Variants in MOB3B observed in about 807,000 individuals in gnomAD.
MOB3B encodes MOB kinase activator 3B.
A neutral mutation model predicts 18.7 loss-of-function variants in MOB3B; 7 were observed. The ratio of observed to expected loss-of-function variants is 0.37; its 90% CI spans 0.21 to 0.70. The LOEUF is 0.70. MOB3B is among the 30% of genes least tolerant of loss of function. MOB3B has a pLI of 0.52. For missense variants in MOB3B, 253 were observed against 281.3 expected (o/e 0.90, Z 0.72); for synonymous variants, 111 against 99.9 (o/e 1.11, Z -0.66).
intron 2 of MOB3B, among the ~76,000 whole-genome samples, chr9:27,398,469 A>C (rs539874847): frequency 2.0e-5 from 3 of 152,372 alleles, no homozygotes; most frequent in African/African-American, 7.2e-5. Flanking sequence ...AGAATTGAAG[A>C]TCACAGTAGA....
chr9:27,340,915 G>T (rs1820931376), intron 3 of MOB3B, among the ~76,000 whole-genome samples: 2 of 152,244 alleles, frequency 1.3e-5, no homozygotes, highest in Non-Finnish European at 2.9e-5. Flanking sequence ...CAGCTGGATT[G>T]GTTTCTGGCA....
intron 1 of MOB3B, among the ~76,000 whole-genome samples, chr9:27,474,909 C>T (rs1819529337): frequency 6.6e-6 from 1 of 152,240 alleles, no homozygotes; most frequent in Non-Finnish European, 1.5e-5. Flanking sequence ...TCTAAGGTGG[C>T]TCCTAGTGAT....
Position 27,327,525 on chromosome 9 carries a change from T to C in MOB3B, c.*3062A>G, listed in dbSNP as rs1360940106. ...CCACAAACTTGCCTGAACTCTTTAATAATGTCAGTGTCATGAAAGACACAC... is the reference window on the plus strand; with the variant it reads ...CCACAAACTTGCCTGAACTCTTTAACAATGTCAGTGTCATGAAAGACACAC... On this transcript the variant is annotated 3_prime_UTR_variant, in exon 4 of 4. Transcript: ENST00000262244. 6.6e-6 allele frequency: 1 copy of C among 151,922 alleles called. No individual in the cohort carries two copies. The highest frequency in any genetic ancestry group is 1.5e-5 in the Non-Finnish European group (1 of 67,982). 9.4% of individuals were successfully genotyped at this position (151,922 alleles called of 1,614,324 possible).
intron 1 of MOB3B, among the ~76,000 whole-genome samples, chr9:27,461,048 T>C (rs1819279873): frequency 6.6e-6 from 1 of 152,186 alleles, no homozygotes; most frequent in Non-Finnish European, 1.5e-5. Flanking sequence ...CAACTTTTCT[T>C]TCAAATGAGC....
chr9:27,343,358 G>C (rs201601291), intron 3 of MOB3B, among the ~76,000 whole-genome samples: 1 of 149,928 alleles, frequency 6.7e-6, no homozygotes, highest in Non-Finnish European at 1.5e-5. Context: ...GGGGTCCTCT[G>C]TCTAGGAAAA....
At position 27,449,941 on chromosome 9, in the gene MOB3B, G is replaced by T. The variant is rs577589256; in HGVS notation, c.418+5192C>A. Among the ~76,000 whole-genome samples the T allele has an allele frequency of 8.0e-5, 12 of 149,400 alleles. No homozygotes were observed. In the East Asian group the frequency reaches 1.4e-3, roughly 17 times the overall value. ...TGCAGTGAGCCGAGATCATGCCATT[G>T]CACTCCAGCCTGGGCAACAGAGCGA... is the stretch of plus-strand genomic sequence containing the variant. On this transcript the variant is annotated intron_variant, in intron 2 of 3. Transcript: ENST00000262244.
chr9:27,465,964 A>T (rs535744729), intron 1 of MOB3B, among the ~76,000 whole-genome samples: 18 of 152,248 alleles, frequency 1.2e-4, no homozygotes, highest in African/African-American at 3.6e-4. Context: ...AGCCATGAAG[A>T]TCTCTGACAT....
chr9:27,511,198 A>G (rs1171797615), intron 1 of MOB3B, among the ~76,000 whole-genome samples: 1 of 121,076 alleles, frequency 8.3e-6, no homozygotes, highest in African/African-American at 3.0e-5. Flanking sequence ...CTATTAGGTA[A>G]AACATTTTCA....
At chr9:27,343,529 T>C (rs931920694) in intron 3 of MOB3B, among the ~76,000 whole-genome samples, 2 of 148,512 alleles carry the variant, frequency 1.3e-5, no homozygotes, top group Admixed American at 1.3e-4. Flanking sequence ...TTTCAGAGTA[T>C]GAGAGGAGAC....
intron 1 of MOB3B, among the ~76,000 whole-genome samples, chr9:27,482,314 ATGGTCTGG>A (rs1329012020): frequency 0.019 from 60 of 3,166 alleles, no homozygotes; most frequent in African/African-American, 0.024. Context: ...TAATGTCTGG[ATGGTCTGG>A]ATGTTTGTTC....
At chr9:27,409,357 A>G (rs1822031130) in intron 2 of MOB3B, among the ~76,000 whole-genome samples, 1 of 152,226 alleles carries the variant, frequency 6.6e-6, no homozygotes, top group African/African-American at 2.4e-5. Flanking sequence ...TTTTCTTTAA[A>G]ATGTTTGATC....
intron 2 of MOB3B, among the ~76,000 whole-genome samples, chr9:27,423,219 A>G (rs934272772): frequency 1.3e-5 from 2 of 152,232 alleles, no homozygotes; most frequent in East Asian, 1.9e-4. Context: ...ATTGAGATAA[A>G]TCTTGCCCTG....
intron 3 of MOB3B, among the ~76,000 whole-genome samples, chr9:27,332,402 TG>T: frequency 6.6e-6 from 1 of 152,360 alleles, no homozygotes; most frequent in Non-Finnish European, 1.5e-5. Context: ...AGAGAAAGTG[TG>T]TTCATGGGAT....
intron 2 of MOB3B, among the ~76,000 whole-genome samples, chr9:27,439,072 A>G (rs1012881020): frequency 6.6e-6 from 1 of 152,208 alleles, no homozygotes; most frequent in Admixed American, 6.5e-5. Context: ...CAATAATATT[A>G]GTGAATATTT....
chr9:27,358,688 A>G (rs955328571), intron 3 of MOB3B, among the ~76,000 whole-genome samples: 1 of 152,250 alleles, frequency 6.6e-6, no homozygotes, highest in Non-Finnish European at 1.5e-5. Context: ...TTTGATTAAC[A>G]GAGTGAGAGA....
At chr9:27,385,020 T>G (rs1292199909) in intron 2 of MOB3B, among the ~76,000 whole-genome samples, 1 of 152,088 alleles carries the variant, frequency 6.6e-6, no homozygotes, top group Non-Finnish European at 1.5e-5. Flanking sequence ...AACTAAGGGA[T>G]GGAGATAGGC....
intron 2 of MOB3B, among the ~76,000 whole-genome samples, chr9:27,432,295 T>G (rs577338988): frequency 6.6e-6 from 1 of 152,264 alleles, no homozygotes; most frequent in South Asian, 2.1e-4. Flanking sequence ...TTTCTTTCCC[T>G]GTGTTGTAGA....
chr9:27,511,649 A>C (rs73440905), intron 1 of MOB3B, among the ~76,000 whole-genome samples: 1 of 152,338 alleles, frequency 6.6e-6, no homozygotes, highest in African/African-American at 2.4e-5. Context: ...CTTGAAAAGA[A>C]TTTAAATCCT....
intron 2 of MOB3B, among the ~76,000 whole-genome samples, chr9:27,417,190 C>T (rs1203678994): frequency 7.2e-5 from 11 of 151,928 alleles, no homozygotes; most frequent in African/African-American, 2.4e-4. Context: ...CGTGAAACCC[C>T]GTCTCTACTA....
Sources: allele counts gnomAD v4.1 joint callset (sites outside exome capture counted in the v4.1 genomes callset), GRCh38; gene constraint gnomAD v4.1.1; transcripts MANE v1.5; gene names NCBI Gene and HGNC (gene_info 2026-07-23, HGNC 2026-07-21).